Variants in VWC2 observed in about 807,000 individuals in gnomAD.
The protein encoded by VWC2 is brorin.
Under a neutral mutation model 29.8 loss-of-function variants are expected in VWC2, and 14 were observed. The observed-to-expected ratio is 0.47, with a 90% CI of 0.31 to 0.74. The LOEUF (loss-of-function observed/expected upper bound fraction) is 0.74, where lower values mean the gene tolerates loss of function less well. VWC2 is among the 30% of genes least tolerant of loss of function. The pLI is 0.05. For missense variants in VWC2, 457 were observed against 459.8 expected (o/e 0.99, Z 0.05); for synonymous variants, 213 against 199.0 (o/e 1.07, Z -0.59).
Position 49,918,578 on chromosome 7 carries a change from A to T in VWC2, c.*6393A>T, listed in dbSNP as rs1431166766. On this transcript the variant is annotated 3_prime_UTR_variant, in exon 4 of 4. Transcript: ENST00000340652. ...CAGGTTGTTCAGGTATGATTCTCAT[A>T]TTGAAATTTACAAAATATAACCAAA... 1 of 152,242 alleles carries T rather than the reference A, an allele frequency of 6.6e-6. No homozygotes were observed. The highest frequency in any genetic ancestry group is 1.5e-5 in the Non-Finnish European group (1 of 68,038). 9.4% of individuals were successfully genotyped at this position (152,242 alleles called of 1,614,324 possible).
chr7:49,836,482 C>T (rs1210640739), intron 3 of VWC2, among the ~76,000 whole-genome samples: 1 of 121,592 alleles, frequency 8.2e-6, no homozygotes, highest in Non-Finnish European at 1.8e-5. Context: ...AAAAAAAAAA[C>T]TATGAAAATT....
chr7:49,793,849 C>T (rs1237607706), intron 2 of VWC2, among the ~76,000 whole-genome samples: 1 of 152,164 alleles, frequency 6.6e-6, no homozygotes, highest in African/African-American at 2.4e-5. Flanking sequence ...GATCAGCATC[C>T]TGGACTGGGA....
At position 49,884,043 on chromosome 7, in the gene VWC2, A is replaced by G. The variant is rs182413467; in HGVS notation, c.827-27991A>G. 1.8e-3 allele frequency among the ~76,000 whole-genome samples: 268 copies of G among 152,344 alleles called. 3 individuals carry two copies. The highest frequency in any genetic ancestry group is 6.0e-3 in the African/African-American group (251 of 41,598). ...CCAGCCAAGGTAGGAGGCAACTCCC[A>G]GGACCTTGGGGCATCACACACTTCA... is the stretch of plus-strand genomic sequence containing the variant. On this transcript the variant is annotated intron_variant, in intron 3 of 3. Transcript: ENST00000340652.
intron 3 of VWC2, among the ~76,000 whole-genome samples, chr7:49,806,892 G>A (rs1342644217): frequency 2.6e-5 from 4 of 152,172 alleles, no homozygotes; most frequent in Non-Finnish European, 5.9e-5. Context: ...TACAGATTAC[G>A]TGATTGTGCC....
intron 3 of VWC2, among the ~76,000 whole-genome samples, chr7:49,831,219 C>A (rs975621707): frequency 3.3e-5 from 5 of 152,248 alleles, no homozygotes; most frequent in African/African-American, 1.2e-4. Flanking sequence ...ATGGTGGTGG[C>A]TATCTTCTTT....
intron 3 of VWC2, among the ~76,000 whole-genome samples, chr7:49,888,150 C>A (rs1791977491): frequency 6.6e-6 from 1 of 152,202 alleles, no homozygotes; most frequent in Non-Finnish European, 1.5e-5. Context: ...TGGAAGTAGT[C>A]AATGGCAATT....
intron 2 of VWC2, among the ~76,000 whole-genome samples, chr7:49,789,150 TGA>T (rs1275262333): frequency 1.4e-5 from 2 of 144,214 alleles, no homozygotes; most frequent in Non-Finnish European, 1.5e-5. Context: ...TATGAGAATG[TGA>T]GTGTGGCTGT....
At chr7:49,869,681 G>A (rs12532827) in intron 3 of VWC2, among the ~76,000 whole-genome samples, 102,317 of 152,024 alleles carry the variant, frequency 0.67, 35,290 homozygotes, top group East Asian at 0.88. Flanking sequence ...AGCAAGGAAT[G>A]GCAAGGATGT....
intron 3 of VWC2, among the ~76,000 whole-genome samples, chr7:49,852,084 G>A (rs1790203551): frequency 1.3e-5 from 2 of 152,198 alleles, no homozygotes; most frequent in African/African-American, 2.4e-5. Flanking sequence ...CTGGGAGCCC[G>A]ACAGAGGCCA....
chr7:49,875,397 A>AAAAAAAAAAAAC (rs1791371337), intron 3 of VWC2, among the ~76,000 whole-genome samples: 1 of 140,714 alleles, frequency 7.1e-6, no homozygotes, highest in Non-Finnish European at 1.6e-5. Context: ...AAAAAAAAAA[A>AAAAAAAAAAAAC]CAGGAATAAA....
At chr7:49,876,171 C>T (rs536316808) in intron 3 of VWC2, among the ~76,000 whole-genome samples, 1 of 152,258 alleles carries the variant, frequency 6.6e-6, no homozygotes, top group African/African-American at 2.4e-5. Context: ...TGTATAAGAA[C>T]TTGGTAACCT....
intron 2 of VWC2, among the ~76,000 whole-genome samples, chr7:49,794,745 T>C (rs944651816): frequency 6.6e-6 from 1 of 152,182 alleles, no homozygotes. Flanking sequence ...GTTGCACTTC[T>C]TCGTTGTAGT....
intron 3 of VWC2, among the ~76,000 whole-genome samples, chr7:49,857,472 A>C (rs759345200): frequency 1.3e-5 from 2 of 152,188 alleles, no homozygotes; most frequent in Non-Finnish European, 2.9e-5. Flanking sequence ...AGGTATTGTG[A>C]ATAGTGCTGC....
At chr7:49,894,814 A>C (rs755341900) in intron 3 of VWC2, among the ~76,000 whole-genome samples, 15 of 152,234 alleles carry the variant, frequency 9.9e-5, no homozygotes, top group Non-Finnish European at 2.1e-4. Flanking sequence ...TGTAAGCTAC[A>C]GCCTTATCAT....
intron 3 of VWC2, among the ~76,000 whole-genome samples, chr7:49,884,154 G>A (rs1481708849): frequency 4.6e-5 from 7 of 152,352 alleles, no homozygotes; most frequent in East Asian, 1.9e-4. Flanking sequence ...CCACAGTACT[G>A]GGGCCAGTCC....
chr7:49,823,348 T>C lies in VWC2; in HGVS notation c.826+20508T>C, dbSNP rs529756818. Among the ~76,000 whole-genome samples, 6 of 152,164 alleles carry C rather than the reference T, an allele frequency of 3.9e-5. No homozygotes were observed. The South Asian group carries it at 1.2e-3, about 32-fold the overall frequency. On this transcript the variant is annotated intron_variant, in intron 3 of 3. Coordinates refer to ENST00000340652, the MANE Select transcript of VWC2 (RefSeq NM_198570.5). The stretch of plus-strand genomic sequence containing the variant: ...ATACAACCACGAAATGTACTCCCCA[T>C]ACGGAAGGAAAAAAGACTAAAGAGA...
intron 3 of VWC2, among the ~76,000 whole-genome samples, chr7:49,833,341 G>A (rs1196744462): frequency 2.0e-5 from 3 of 152,204 alleles, no homozygotes; most frequent in Non-Finnish European, 4.4e-5. Flanking sequence ...ATCCAGGCCA[G>A]AAAGATGAAT....
intron 3 of VWC2, among the ~76,000 whole-genome samples, chr7:49,810,547 T>C (rs777211966): frequency 6.6e-6 from 1 of 152,124 alleles, no homozygotes; most frequent in Non-Finnish European, 1.5e-5. Flanking sequence ...CTATAATTCA[T>C]GCAGAATGTA....
chr7:49,855,526 G>C (rs903266258), intron 3 of VWC2, among the ~76,000 whole-genome samples: 19 of 152,154 alleles, frequency 1.2e-4, no homozygotes, highest in African/African-American at 4.3e-4. Flanking sequence ...GGTAAGGAAG[G>C]CTCAGCGAGG....
Sources: allele counts gnomAD v4.1 joint callset (sites outside exome capture counted in the v4.1 genomes callset), GRCh38; gene constraint gnomAD v4.1.1; transcripts MANE v1.5; gene names NCBI Gene and HGNC (gene_info 2026-07-23, HGNC 2026-07-21).